CCDC141: variants seen among roughly 807,000 people sequenced by gnomAD.
CCDC141 encodes coiled-coil domain-containing protein 141.
CCDC141 carries 168 observed loss-of-function variants against 181.0 expected under a neutral mutation model. The ratio of observed to expected loss-of-function variants is 0.93; its 90% confidence interval spans 0.82 to 1.05. The LOEUF is 1.05. Among genes scored for constraint, CCDC141 ranks in the 50% least tolerant of loss-of-function variants. The pLI is 0.00. For missense variants in CCDC141, 1,902 were observed against 1,788.5 expected (o/e 1.06, Z -1.14); for synonymous variants, 666 against 642.3 (o/e 1.04, Z -0.56).
At chr2:178,828,333 C>T (rs1684155488), downstream of CCDC141, among the ~76,000 whole-genome samples, 1 of 152,142 alleles carries the variant, frequency 6.6e-6, no homozygotes, top group Admixed American at 6.6e-5. Flanking sequence ...TCCAGTTTTA[C>T]ATATCCCCAG....
At chr2:178,935,131 CTTTTA>C (rs1320996881) in intron 6 of CCDC141, among the ~76,000 whole-genome samples, 1 of 151,626 alleles carries the variant, frequency 6.6e-6, no homozygotes, top group African/African-American at 2.4e-5. Context: ...TTTTTTTTAA[CTTTTA>C]TTTTATGTTC....
the CCDC141 span, among the ~76,000 whole-genome samples, chr2:178,816,060 A>G: frequency 6.6e-6 from 1 of 152,248 alleles, no homozygotes; most frequent in African/African-American, 2.4e-5. Context: ...ACTAAAGTTC[A>G]TAATATACAT....
At position 178,978,649 on chromosome 2, in the gene CCDC141, G is replaced by A. The variant is rs76975382; in HGVS notation, c.252C>T (p.Leu84=). Residue 84 remains leucine, a synonymous_variant, in exon 3 of 24, where the codon CTC becomes CTT. Transcript: ENST00000443758. The part of the protein sequence containing the change: ...LKALEDRVWE[L]LQEADKTAEE... ...CAGCTGTCTTGTCTGCTTCCTGCAA[G>A]AGTTCCCATACCCGATCTTCCAAAG... 10 of 1,545,264 alleles carry A rather than the reference G, an allele frequency of 6.5e-6. No individual in the cohort carries two copies. In the African/African-American group the frequency reaches 1.1e-4, roughly 17 times the overall value.
chr2:178,921,618 C>T (rs944355889), intron 6 of CCDC141, among the ~76,000 whole-genome samples: 1 of 152,012 alleles, frequency 6.6e-6, no homozygotes, highest in African/African-American at 2.4e-5. Context: ...TGCATTGAGA[C>T]TCTCCTAGAG....
chr2:178,996,647 T>G (rs953503907), intron 2 of CCDC141, among the ~76,000 whole-genome samples: 3 of 152,174 alleles, frequency 2.0e-5, no homozygotes, highest in Non-Finnish European at 4.4e-5. Flanking sequence ...ATCAGTGATA[T>G]AAAGGCTTTA....
chr2:178,997,250 G>T (rs1377858603), intron 2 of CCDC141, among the ~76,000 whole-genome samples: 1 of 152,174 alleles, frequency 6.6e-6, no homozygotes, highest in Non-Finnish European at 1.5e-5. Flanking sequence ...GTTTGCCCAT[G>T]TGCCACATCA....
Position 178,961,224 on chromosome 2 carries a change from G to A in CCDC141, c.780+6C>T. The A allele has an allele frequency of 1.3e-6, 2 of 1,549,790 alleles. No homozygotes were observed. Among genetic ancestry groups the A allele is most frequent in the Non-Finnish European group, 1.7e-6 (2 of 1,146,456 alleles). ...TGGAACATCATCCAATGCCCCTTTG[G>A]GTTACCTGGTTTTCTTGTTGGTCCC... On this transcript the variant is annotated splice_donor_region_variant and intron_variant, in intron 5 of 23. Transcript: ENST00000443758.
intron 6 of CCDC141, among the ~76,000 whole-genome samples, chr2:178,938,038 G>GT (rs1042741353): frequency 6.6e-6 from 1 of 152,094 alleles, no homozygotes; most frequent in Non-Finnish European, 1.5e-5. Flanking sequence ...TCTTTTGAAT[G>GT]TTTTTTCATG....
chr2:178,912,092 T>G (rs1249887733), intron 7 of CCDC141, among the ~76,000 whole-genome samples: 1 of 152,216 alleles, frequency 6.6e-6, no homozygotes, highest in Non-Finnish European at 1.5e-5. Context: ...AAATAATTAT[T>G]GAACACCCAC....
At chr2:178,889,111 A>G (rs1374521437) in intron 8 of CCDC141, among the ~76,000 whole-genome samples, 1 of 152,162 alleles carries the variant, frequency 6.6e-6, no homozygotes, top group Non-Finnish European at 1.5e-5. Flanking sequence ...ACATAACACT[A>G]AGGTCCTTGT....
rs76321064 is a variant in CCDC141, at chr2:178,991,275, T to A, written c.226-12600A>T. Among the ~76,000 whole-genome samples, 168 of 152,342 alleles carry A rather than the reference T, an allele frequency of 1.1e-3. 4 individuals are homozygous for A. In the East Asian group the frequency reaches 0.016, roughly 15 times the overall value. ...AGCCAGTCTGCATTTATGCCCTGAATTGCAGTACTTTCCTCCCATATAAAA... is the reference window on the plus strand; with the variant it reads ...AGCCAGTCTGCATTTATGCCCTGAAATGCAGTACTTTCCTCCCATATAAAA... On this transcript the variant is annotated intron_variant, in intron 2 of 23. Coordinates refer to ENST00000443758, the MANE Select transcript of CCDC141 (RefSeq NM_173648.4).
At chr2:178,954,713 T>C (rs897091245) in intron 5 of CCDC141, among the ~76,000 whole-genome samples, 3 of 152,166 alleles carry the variant, frequency 2.0e-5, no homozygotes, top group African/African-American at 4.8e-5. Flanking sequence ...CTACTTAATT[T>C]CCCTTTTTCT....
At chr2:178,983,156 C>A (rs966497391) in intron 2 of CCDC141, among the ~76,000 whole-genome samples, 2 of 152,156 alleles carry the variant, frequency 1.3e-5, no homozygotes, top group Admixed American at 6.5e-5. Flanking sequence ...GGTCCCTGAC[C>A]CCTGACCCCC....
At chr2:178,961,570 A>G in intron 4 of CCDC141, 87 bp from the exon 5 acceptor site, 1 of 1,059,078 alleles carries the variant, frequency 9.4e-7, no homozygotes. Flanking sequence ...TTTAAAATAT[A>G]TGTAATTTTT....
chr2:178,981,658 A>ATATAT, intron 2 of CCDC141, among the ~76,000 whole-genome samples: 1 of 77,578 alleles, frequency 1.3e-5, no homozygotes, highest in African/African-American at 3.8e-5. Context: ...ATATATATAT[A>ATATAT]CATACATATA....
At position 178,855,418 on chromosome 2, in the gene CCDC141, A is replaced by G; in HGVS notation, c.2989T>C (p.Phe997Leu). 1 of 1,612,020 alleles carries G rather than the reference A, an allele frequency of 6.2e-7. No individual in the cohort carries two copies. Among genetic ancestry groups the G allele is most frequent in the Non-Finnish European group, 8.5e-7 (1 of 1,179,264 alleles). Residue 997 changes from phenylalanine to leucine, a missense_variant, in exon 19 of 24, where the codon TTT becomes CTT. Phe to Leu is a conservative substitution (Grantham distance 22). Transcript: ENST00000443758. Reference sequence around the variant, plus strand: ...TTGTAATCTGTCACAACTTTGTCAAAGTCATCCACATGTTTTTGCAAATCC... The same window carrying G: ...TTGTAATCTGTCACAACTTTGTCAAGGTCATCCACATGTTTTTGCAAATCC... Reference protein sequence around the residue: ...MKDLQKHVDDFDKVVTDYKKN... With the variant: ...MKDLQKHVDDLDKVVTDYKKN...
chr2:178,919,258 A>T (rs1457487351), intron 6 of CCDC141, among the ~76,000 whole-genome samples: 1 of 152,236 alleles, frequency 6.6e-6, no homozygotes, highest in Non-Finnish European at 1.5e-5. Flanking sequence ...TAGAAACTCA[A>T]ACTGACAAAG....
intron 11 of CCDC141, among the ~76,000 whole-genome samples, chr2:178,881,744 A>T (rs969442385): frequency 2.0e-5 from 3 of 152,166 alleles, no homozygotes; most frequent in African/African-American, 7.2e-5. Flanking sequence ...ATACAAAAAA[A>T]TTAGCTGGGC....
chr2:179,042,497 AC>A (rs572960204), intron 2 of CCDC141, among the ~76,000 whole-genome samples: 195 of 152,218 alleles, frequency 1.3e-3, no homozygotes, highest in Non-Finnish European at 2.0e-3. Flanking sequence ...ACAGGCACGC[AC>A]CACTACACCT....
Sources: gnomAD v4.1 joint callset for allele counts (sites outside exome capture counted in the v4.1 genomes callset) on GRCh38, gnomAD v4.1.1 for gene constraint, MANE v1.5 for transcripts, NCBI Gene and HGNC (gene_info 2026-07-23, HGNC 2026-07-21) for gene names.